The following DAB1 variants were observed in gnomAD, a reference collection of about 807,000 sequenced individuals.
The protein encoded by DAB1 is DAB adaptor protein 1, also known as disabled homolog 1.
In DAB1, 15 loss-of-function variants were observed where a neutral mutation model predicts 64.6. That is an observed-to-expected ratio of 0.23 (90% CI 0.16 to 0.36). The LOEUF is 0.36. DAB1 is among the 10% of genes least tolerant of loss of function. The pLI is 1.00. For synonymous variants in DAB1, 235 were observed against 251.9 expected (o/e 0.93, Z 0.64); for missense variants, 596 against 706.7 (o/e 0.84, Z 1.78).
rs182268799 is a variant in DAB1, at chr1:57,950,701, T to C, written n.388-66539A>G. Among the ~76,000 whole-genome samples the C allele has an allele frequency of 8.5e-5, 13 of 152,328 alleles. No homozygotes were observed. The East Asian group carries it at 2.5e-3, about 29-fold the overall frequency. Reference sequence around the variant, plus strand: ...TCTGCCTGGAATACCCTCTCTGTCATCTGATTATCTCCTATGTTTCAAAAC... The same window carrying C: ...TCTGCCTGGAATACCCTCTCTGTCACCTGATTATCTCCTATGTTTCAAAAC... On this transcript the variant is annotated intron_variant and non_coding_transcript_variant, in intron 5 of 20. Coordinates refer to the DAB1 transcript ENST00000485760.
chr1:57,763,502 C>T (rs1434213056), intron 6 of DAB1, among the ~76,000 whole-genome samples: 1 of 151,954 alleles, frequency 6.6e-6, no homozygotes, highest in African/African-American at 2.4e-5. Context: ...TAGTGAGACC[C>T]TGTTTCTACA....
At chr1:57,623,252 G>T (rs1645883612) in intron 7 of DAB1, among the ~76,000 whole-genome samples, 2 of 152,050 alleles carry the variant, frequency 1.3e-5, no homozygotes, top group Admixed American at 1.3e-4. Flanking sequence ...GGAAGGAGTG[G>T]CCCAGGGCTT....
chr1:57,386,753 T>C (rs1427624465), intron 1 of DAB1: 1 of 152,036 alleles, frequency 6.6e-6, no homozygotes, highest in Non-Finnish European at 1.5e-5. Flanking sequence ...TGTGTGTGTG[T>C]GTGTGTGTGT....
At chr1:58,074,564 G>GTGTATATATATATATATATATATA (rs1332531604) in intron 5 of DAB1, 1 of 91,632 alleles carries the variant, frequency 1.1e-5, no homozygotes, top group African/African-American at 4.4e-5. Context: ...ATATATGTGT[G>GTGTATATATATATATATATATATA]TATATATATA....
intron 2 of DAB1, among the ~76,000 whole-genome samples, chr1:57,174,518 G>C (rs545727956): frequency 1.3e-5 from 2 of 152,006 alleles, no homozygotes; most frequent in Non-Finnish European, 2.9e-5. Flanking sequence ...GGATTGACAG[G>C]GTGAAACAAG....
At chr1:57,553,430 G>GAAAA (rs1335438640) in intron 7 of DAB1, among the ~76,000 whole-genome samples, 2 of 17,764 alleles carry the variant, frequency 1.1e-4, no homozygotes, top group South Asian at 0.012. Context: ...AAGAAAGAAA[G>GAAAA]AAAGAAAGAA....
At chr1:57,149,827 A>G (rs992195623) in intron 2 of DAB1, among the ~76,000 whole-genome samples, 3 of 152,112 alleles carry the variant, frequency 2.0e-5, no homozygotes, top group African/African-American at 7.2e-5. Flanking sequence ...TGTCTTATGG[A>G]TAAACTGGCA....
intron 7 of DAB1, among the ~76,000 whole-genome samples, chr1:57,591,474 T>C (rs570693376): frequency 6.6e-6 from 1 of 152,300 alleles, no homozygotes; most frequent in African/African-American, 2.4e-5. Context: ...CAAATCAATG[T>C]CATTTTAGGG....
chr1:57,104,632 C>T (rs1319781797), intron 4 of DAB1, among the ~76,000 whole-genome samples: 3 of 152,114 alleles, frequency 2.0e-5, no homozygotes, highest in South Asian at 2.1e-4. Context: ...ACTGAGTGAA[C>T]GTGTTGCCCA....
At chr1:58,061,996 A>G (rs1315672969) in intron 5 of DAB1, among the ~76,000 whole-genome samples, 1 of 152,182 alleles carries the variant, frequency 6.6e-6, no homozygotes, top group Non-Finnish European at 1.5e-5. Context: ...CCTAACCTCC[A>G]TTTCAAATAG....
chr1:57,663,252 TC>T (rs1298283699), intron 6 of DAB1, among the ~76,000 whole-genome samples: 2 of 152,156 alleles, frequency 1.3e-5, no homozygotes, highest in East Asian at 3.9e-4. Context: ...TCACTCACAA[TC>T]ATGAGAACAG....
chr1:58,028,232 A>C (rs932271600), intron 5 of DAB1, among the ~76,000 whole-genome samples: 1 of 152,240 alleles, frequency 6.6e-6, no homozygotes, highest in African/African-American at 2.4e-5. Context: ...ACACAGGGTC[A>C]TGTTCCTGCA....
chr1:57,910,533 GTGATC>G (rs2102007809), intron 5 of DAB1, among the ~76,000 whole-genome samples: 2 of 152,206 alleles, frequency 1.3e-5, no homozygotes, highest in African/African-American at 4.8e-5. Context: ...CTGCATGTAA[GTGATC>G]TGTAATCAAC....
intron 5 of DAB1, among the ~76,000 whole-genome samples, chr1:57,998,526 G>T (rs924589906): frequency 6.6e-6 from 1 of 151,724 alleles, no homozygotes; most frequent in African/African-American, 2.4e-5. Flanking sequence ...ACCACACCCA[G>T]CTAATTTTTG....
chr1:57,430,714 T>G (rs1685473558), intron 7 of DAB1, among the ~76,000 whole-genome samples: 1 of 152,164 alleles, frequency 6.6e-6, no homozygotes, highest in African/African-American at 2.4e-5. Flanking sequence ...AGAGATGTAA[T>G]ATGCTCAAAG....
chr1:57,951,928 G>C (rs1364634040), intron 5 of DAB1, among the ~76,000 whole-genome samples: 1 of 152,158 alleles, frequency 6.6e-6, no homozygotes, highest in Non-Finnish European at 1.5e-5. Flanking sequence ...ATTTAAACTG[G>C]TATTTGAAAG....
intron 3 of DAB1, among the ~76,000 whole-genome samples, chr1:58,414,949 C>T (rs1431116262): frequency 6.6e-6 from 1 of 152,004 alleles, no homozygotes; most frequent in Non-Finnish European, 1.5e-5. Context: ...ACAAATGTGT[C>T]ACAAGGTTGC....
intron 1 of DAB1, among the ~76,000 whole-genome samples, chr1:57,390,750 T>C (rs537659): frequency 0.039 from 5,871 of 152,306 alleles, 354 homozygotes; most frequent in African/African-American, 0.12. Context: ...TTATTCAGCC[T>C]ATCTTAATCT....
At chr1:57,465,653 A>G (rs752658893) in intron 7 of DAB1, among the ~76,000 whole-genome samples, 27 of 152,226 alleles carry the variant, frequency 1.8e-4, no homozygotes, top group Non-Finnish European at 3.1e-4. Context: ...CTCTTTCTTA[A>G]GAAGATGCAT....
Sources: gnomAD v4.1 joint callset for allele counts (sites outside exome capture counted in the v4.1 genomes callset) on GRCh38, gnomAD v4.1.1 for gene constraint, MANE v1.5 for transcripts, NCBI Gene and HGNC (gene_info 2026-07-23, HGNC 2026-07-21) for gene names.